The following PMM2 variants were observed in gnomAD, a reference collection of about 807,000 sequenced individuals.
The protein encoded by PMM2 is mannose-6-phosphate isomerase.
A neutral mutation model predicts 33.2 loss-of-function variants in PMM2; 35 were observed. The observed-to-expected ratio is 1.06, with a 90% CI of 0.81 to 1.40. The LOEUF is 1.40. PMM2 is among the 40% of genes most tolerant of loss of function. The probability of loss-of-function intolerance (pLI) is 0.00; values close to 1 mark genes in which losing one functional copy is unlikely to be tolerated. For missense variants in PMM2, 386 were observed against 306.0 expected, an observed-to-expected ratio of 1.26 and a Z score of -1.95; for synonymous variants, 153 against 114.7, an observed-to-expected ratio of 1.33 and a Z score of -2.13.
intron 7 of PMM2, among the ~76,000 whole-genome samples, chr16:8,846,524 G>A (rs11074953): frequency 0.42 from 63,757 of 151,894 alleles, 13,732 homozygotes; most frequent in Non-Finnish European, 0.47. Flanking sequence ...ATTCATTAAC[G>A]TGAGCCCAGT....
At chr16:8,840,797 G>A (rs1478502985) in intron 7 of PMM2, among the ~76,000 whole-genome samples, 1 of 151,916 alleles carries the variant, frequency 6.6e-6, no homozygotes, top group African/African-American at 2.4e-5. Context: ...CCGGTCCATC[G>A]AGGTTGTAGA....
chr16:8,811,061 T>A lies in PMM2; in HGVS notation c.348-18T>A. The A allele has an allele frequency of 7.0e-7, 1 of 1,434,466 alleles. No homozygotes were observed. Among genetic ancestry groups the A allele is most frequent in the Non-Finnish European group, 9.6e-7 (1 of 1,037,324 alleles). 88.9% of individuals were successfully genotyped at this position (1,434,466 alleles called of 1,614,324 possible). ...ATAACGTGTTTTTGGAGAAACTCTG[T>A]CACCCTTTCATTCCCAGGGGTACTT... On this transcript the variant is annotated intron_variant, in intron 4 of 7. Coordinates refer to ENST00000268261, the MANE Select transcript of PMM2 (RefSeq NM_000303.3).
intron 7 of PMM2, among the ~76,000 whole-genome samples, chr16:8,825,912 C>T (rs559274663): frequency 1.6e-4 from 24 of 152,122 alleles, no homozygotes; most frequent in African/African-American, 4.6e-4. Context: ...TGTGCCACCA[C>T]GCCCGGCTAA....
intron 7 of PMM2, among the ~76,000 whole-genome samples, chr16:8,836,097 C>A (rs940176031): frequency 1.3e-5 from 2 of 151,518 alleles, no homozygotes; most frequent in Admixed American, 6.6e-5. Context: ...AGAAGCCTGG[C>A]CGTCAATACC....
chr16:8,822,555 A>C (rs1485324261), intron 7 of PMM2, among the ~76,000 whole-genome samples: 1 of 152,230 alleles, frequency 6.6e-6, no homozygotes. Flanking sequence ...TGGAAGTTAG[A>C]AGCAAGATGG....
At chr16:8,828,525 C>T (rs2060791555) in intron 7 of PMM2, among the ~76,000 whole-genome samples, 1 of 152,178 alleles carries the variant, frequency 6.6e-6, no homozygotes, top group African/African-American at 2.4e-5. Flanking sequence ...ATGACACTGT[C>T]ACATGTCCTC....
rs990430208 is a variant in PMM2, at chr16:8,847,688, AG to A, written c.640-31del. The A allele has an allele frequency of 4.0e-6, 6 of 1,496,346 alleles. No individual in the cohort carries two copies. In the African/African-American group the frequency reaches 8.3e-5, roughly 21 times the overall value. The allele number at this position is 1,496,346 out of a possible 1,614,324, so 92.7% of individuals were successfully genotyped here. On this transcript the variant is annotated intron_variant, in intron 7 of 7. Transcript: ENST00000268261. Reference sequence around the variant, plus strand: ...CATCAGCAATGGCCCGGGACAGACGAGGGGGAGCCTTCATCTGTACTTCGTG... The same window carrying A: ...CATCAGCAATGGCCCGGGACAGACGAGGGGAGCCTTCATCTGTACTTCGTG...
intron 7 of PMM2, among the ~76,000 whole-genome samples, chr16:8,814,132 T>C (rs2060693369): frequency 6.6e-6 from 1 of 151,974 alleles, no homozygotes; most frequent in African/African-American, 2.4e-5. Flanking sequence ...CGCTCAAAGT[T>C]CTGGGATGAC....
In PMM2 at chr16:8,800,930, G is replaced by A. The variant is rs1020861590; in HGVS notation, c.67-869G>A. Among the ~76,000 whole-genome samples the A allele has an allele frequency of 5.7e-4, 86 of 152,196 alleles. 1 individual carries two copies. The highest frequency in any genetic ancestry group is 5.9e-4 in the Admixed American group (9 of 15,280). Reference sequence around the variant, plus strand: ...AACTCTGACCTCAGGTGATCCACCCGCCTCGGCCTCCTAAAGTGCCGGGAT... The same window carrying A: ...AACTCTGACCTCAGGTGATCCACCCACCTCGGCCTCCTAAAGTGCCGGGAT... On this transcript the variant is annotated intron_variant, in intron 1 of 7. Coordinates refer to ENST00000268261, the MANE Select transcript of PMM2 (RefSeq NM_000303.3).
intron 7 of PMM2, among the ~76,000 whole-genome samples, chr16:8,830,769 A>G (rs913743189): frequency 2.6e-5 from 4 of 152,242 alleles, no homozygotes; most frequent in African/African-American, 9.6e-5. Context: ...CTAATTTGTT[A>G]GTCCTACAAA....
intron 7 of PMM2, chr16:8,832,338 C>T (rs2060815488): frequency 4.1e-6 from 4 of 985,306 alleles, no homozygotes; most frequent in South Asian, 4.7e-5. Flanking sequence ...CTCCTGCAGC[C>T]AGGGTCGGGA....
intron 7 of PMM2, 24 bp from the exon 8 acceptor site, chr16:8,847,700 C>G (rs777270259): frequency 6.4e-7 from 1 of 1,558,026 alleles, no homozygotes; most frequent in Non-Finnish European, 8.9e-7. Context: ...GGGGAGCCTT[C>G]ATCTGTACTT....
chr16:8,843,622 G>A (rs1004023832), intron 7 of PMM2, among the ~76,000 whole-genome samples: 1 of 152,152 alleles, frequency 6.6e-6, no homozygotes, highest in Non-Finnish European at 1.5e-5. Context: ...GTGTGCTGGA[G>A]ATGTGGCTGG....
At chr16:8,833,023 T>A in intron 7 of PMM2, 1 of 511,092 alleles carries the variant, frequency 2.0e-6, no homozygotes, top group Non-Finnish European at 2.5e-6. Flanking sequence ...GCTAAAGCAA[T>A]GCCTGGCGGG....
At chr16:8,810,313 C>G (rs1371487434) in intron 4 of PMM2, 1 of 152,200 alleles carries the variant, frequency 6.6e-6, no homozygotes, top group African/African-American at 2.4e-5. Flanking sequence ...TTCAGAAGCT[C>G]CGTAGCAAAA....
chr16:8,836,773 C>T (rs897220544), intron 7 of PMM2, among the ~76,000 whole-genome samples: 52 of 152,026 alleles, frequency 3.4e-4, no homozygotes, highest in Non-Finnish European at 5.6e-4. Context: ...GGCTGTAAAG[C>T]GTGTCAGGGT....
intron 2 of PMM2, among the ~76,000 whole-genome samples, chr16:8,803,855 TG>T (rs1011794161): frequency 2.7e-5 from 4 of 150,736 alleles, no homozygotes; most frequent in African/African-American, 9.8e-5. Flanking sequence ...GGCTAATTTT[TG>T]TATTTTTAGT....
intron 7 of PMM2, among the ~76,000 whole-genome samples, chr16:8,815,781 G>A (rs768217020): frequency 1.3e-5 from 2 of 152,126 alleles, no homozygotes; most frequent in African/African-American, 2.4e-5. Flanking sequence ...CAAAAGCACA[G>A]GCAACAAAAG....
At chr16:8,839,746 G>A (rs2060876738) in intron 7 of PMM2, among the ~76,000 whole-genome samples, 2 of 151,900 alleles carry the variant, frequency 1.3e-5, no homozygotes, top group Admixed American at 1.3e-4. Context: ...TGGAGATGAA[G>A]AGTAAAGGAA....
Sources: allele counts gnomAD v4.1 joint callset (sites outside exome capture counted in the v4.1 genomes callset), GRCh38; gene constraint gnomAD v4.1.1; transcripts MANE v1.5; gene names NCBI Gene and HGNC (gene_info 2026-07-23, HGNC 2026-07-21).